Variants in U2SURP observed in about 807,000 individuals in gnomAD.
The protein encoded by U2SURP is U2 snRNP associated SURP domain containing, also known as U2 snRNP-associated SURP motif-containing protein.
A neutral mutation model predicts 144.9 loss-of-function variants in U2SURP; 9 were observed. That is an observed-to-expected ratio of 0.06 (90% CI 0.04 to 0.11). The LOEUF is 0.11. U2SURP is among the 10% of genes least tolerant of loss of function. U2SURP has a pLI of 1.00. For synonymous variants in U2SURP, 408 were observed against 396.8 expected (o/e 1.03, Z -0.33); for missense variants, 724 against 1,226.7 (o/e 0.59, Z 6.12).
intron 1 of U2SURP, among the ~76,000 whole-genome samples, chr3:143,005,214 A>G (rs1165542108): frequency 1.3e-5 from 2 of 151,280 alleles, no homozygotes; most frequent in Non-Finnish European, 2.9e-5. Flanking sequence ...AAAATACTAC[A>G]GGCTTCCTTG....
intron 6 of U2SURP, among the ~76,000 whole-genome samples, chr3:143,018,040 A>C (rs1399721455): frequency 6.6e-6 from 1 of 152,150 alleles, no homozygotes; most frequent in African/African-American, 2.4e-5. Flanking sequence ...TGGGCAACAT[A>C]GCAAGACTCC....
chr3:143,048,707 G>A (rs1280266652), intron 24 of U2SURP, among the ~76,000 whole-genome samples: 1 of 152,072 alleles, frequency 6.6e-6, no homozygotes, highest in Non-Finnish European at 1.5e-5. Context: ...AGACCAGCCT[G>A]GCCAACATGG....
intron 4 of U2SURP, among the ~76,000 whole-genome samples, 161 bp from the exon 5 acceptor site, chr3:143,016,096 T>C (rs977047828): frequency 6.6e-6 from 1 of 152,140 alleles, no homozygotes; most frequent in African/African-American, 2.4e-5. Flanking sequence ...GTTTCATTAA[T>C]TAATACTTAA....
At chr3:143,012,095 G>T in intron 2 of U2SURP, 127 bp from the exon 3 acceptor site, 1 of 1,190,700 alleles carries the variant, frequency 8.4e-7, no homozygotes, top group Non-Finnish European at 1.2e-6. Flanking sequence ...TGATATTAAG[G>T]GATGTGATAT....
At chr3:143,012,081 A>G in intron 2 of U2SURP, 141 bp from the exon 3 acceptor site, 7 of 1,103,326 alleles carry the variant, frequency 6.3e-6, no homozygotes, top group East Asian at 2.6e-5. Context: ...GGTGAAATCA[A>G]TGGTGATATT....
chr3:143,005,822 C>CT (rs1935801465), intron 1 of U2SURP, among the ~76,000 whole-genome samples: 1 of 151,730 alleles, frequency 6.6e-6, no homozygotes, highest in Non-Finnish European at 1.5e-5. Context: ...GTTGAAGTAT[C>CT]TACCCCTCTA....
chr3:143,002,883 G>C (rs1490503697), intron 1 of U2SURP, among the ~76,000 whole-genome samples: 1 of 152,056 alleles, frequency 6.6e-6, no homozygotes, highest in African/African-American at 2.4e-5. Context: ...ACAAGGTATT[G>C]TGTCAGTTTT....
chr3:143,044,994 T>C (rs1934345581), intron 24 of U2SURP, among the ~76,000 whole-genome samples: 1 of 152,178 alleles, frequency 6.6e-6, no homozygotes, highest in African/African-American at 2.4e-5. Flanking sequence ...TTTCAGGGGA[T>C]AAGATGTGTG....
chr3:143,025,574 C>T (rs1933096566), intron 13 of U2SURP, among the ~76,000 whole-genome samples: 1 of 152,054 alleles, frequency 6.6e-6, no homozygotes, highest in Admixed American at 6.6e-5. Flanking sequence ...TACATTATCG[C>T]CCTTCCTTCA....
chr3:143,005,376 T>G (rs1405776451), intron 1 of U2SURP, among the ~76,000 whole-genome samples: 1 of 152,256 alleles, frequency 6.6e-6, no homozygotes, highest in Admixed American at 6.5e-5. Flanking sequence ...TCATTTTTTG[T>G]GGTACCTGAA....
Position 143,032,817 on chromosome 3 carries a change from A to T in U2SURP, c.1644A>T (p.Gly548=), listed in dbSNP as rs1933584030. The change falls in exon 17 of 28, where the codon GGA becomes GGT. Residue 548 remains glycine (G), a synonymous_variant. Coordinates refer to ENST00000473835, the MANE Select transcript of U2SURP (RefSeq NM_001080415.2). ...ATAAATTGGAAGAAATCTTGCGGGG[A>T]TTAACTCCAAGGAAAAATGATATTG... is the stretch of plus-strand genomic sequence containing the variant. ...QRDKLEEILR[G]LTPRKNDIGD... 1 of 1,613,320 alleles carries T rather than the reference A, an allele frequency of 6.2e-7. No homozygotes were observed. The highest frequency in any genetic ancestry group is 1.3e-5 in the African/African-American group (1 of 74,914).
intron 13 of U2SURP, chr3:143,024,335 G>C: frequency 2.7e-6 from 1 of 370,164 alleles, no homozygotes; most frequent in Non-Finnish European, 5.1e-6. Flanking sequence ...TAAGTGTGTC[G>C]TAAATTTCAG....
intron 24 of U2SURP, among the ~76,000 whole-genome samples, chr3:143,048,335 C>G (rs1934652966): frequency 6.6e-6 from 1 of 152,184 alleles, no homozygotes; most frequent in Non-Finnish European, 1.5e-5. Context: ...GGAATCCCTT[C>G]TCTCCCCTAA....
intron 3 of U2SURP, among the ~76,000 whole-genome samples, chr3:143,013,223 T>A (rs1162915264): frequency 1.3e-5 from 2 of 152,112 alleles, no homozygotes. Flanking sequence ...TGGGTTTCAT[T>A]TAATTCATAT....
At chr3:143,019,497 T>C (rs1426374087) in intron 6 of U2SURP, among the ~76,000 whole-genome samples, 1 of 152,222 alleles carries the variant, frequency 6.6e-6, no homozygotes. Flanking sequence ...TTTTTCTGTA[T>C]GTAGATATTC....
intron 25 of U2SURP, among the ~76,000 whole-genome samples, chr3:143,051,856 T>G (rs550084463): frequency 1.3e-5 from 2 of 152,054 alleles, no homozygotes; most frequent in Non-Finnish European, 2.9e-5. Context: ...ACTCCCAATT[T>G]TGTAAGATTA....
intron 14 of U2SURP, among the ~76,000 whole-genome samples, chr3:143,027,515 A>G (rs1157602930): frequency 2.0e-5 from 3 of 152,052 alleles, no homozygotes; most frequent in Non-Finnish European, 4.4e-5. Flanking sequence ...CTCAGGGTAA[A>G]CTCACATGAG....
Position 143,034,921 on chromosome 3 carries a change from C to T in U2SURP, c.1887C>T (p.Asp629=), listed in dbSNP as rs1000475391. ...FETKLCQIFS[D]LNATYRTIQG... ...CAAAGTTATGTCAGATATTTTCAGA[C>T]CTCAATGCCACCTATCGTACAATTC... The change falls in exon 19 of 28, where the codon GAC becomes GAT. Residue 629 remains aspartate (D), a synonymous_variant. Coordinates refer to ENST00000473835, the MANE Select transcript of U2SURP (RefSeq NM_001080415.2). 1 of 1,602,498 alleles carries T rather than the reference C, an allele frequency of 6.2e-7. No homozygotes were observed. The highest frequency in any genetic ancestry group is 8.5e-7 in the Non-Finnish European group (1 of 1,173,534).
At chr3:143,030,539 G>C (rs1933419453) in intron 16 of U2SURP, among the ~76,000 whole-genome samples, 1 of 152,118 alleles carries the variant, frequency 6.6e-6, no homozygotes, top group African/African-American at 2.4e-5. Context: ...ATCTCTGATG[G>C]AGATGTGCAA....
Sources: gnomAD v4.1 joint callset for allele counts (sites outside exome capture counted in the v4.1 genomes callset) on GRCh38, gnomAD v4.1.1 for gene constraint, MANE v1.5 for transcripts, NCBI Gene and HGNC (gene_info 2026-07-23, HGNC 2026-07-21) for gene names.